Variants in HMCN2 observed in about 807,000 individuals in gnomAD.
HMCN2 encodes the protein hemicentin-2.
A neutral mutation model predicts 377.5 loss-of-function variants in HMCN2; 325 were observed. That is an observed-to-expected ratio of 0.86 (90% CI 0.79 to 0.94). HMCN2 has a LOEUF of 0.94. Ranked by LOEUF, HMCN2 falls within the 40% of genes least tolerant of loss-of-function variation. The pLI is 0.00. For missense variants in HMCN2, 4,543 were observed against 4,725.3 expected, an observed-to-expected ratio of 0.96 and a Z score of 1.13; for synonymous variants, 2,007 against 2,046.8, an observed-to-expected ratio of 0.98 and a Z score of 0.53.
At chr9:130,319,222 G>A (rs1442390790) in intron 15 of HMCN2, among the ~76,000 whole-genome samples, 2 of 152,026 alleles carry the variant, frequency 1.3e-5, no homozygotes, top group African/African-American at 2.4e-5. Context: ...GCCAGGAGTG[G>A]GCATGCTGCT....
intron 61 of HMCN2, 101 bp downstream of exon 61, chr9:130,386,625 G>T: frequency 3.2e-6 from 2 of 634,442 alleles, no homozygotes; most frequent in East Asian, 7.4e-5. Flanking sequence ...AGGCAGTGCT[G>T]CCAAGTGCTG....
At chr9:130,294,053 T>C (rs1554931032) in intron 4 of HMCN2, among the ~76,000 whole-genome samples, 1 of 152,032 alleles carries the variant, frequency 6.6e-6, no homozygotes. Flanking sequence ...TGGGTTGGCA[T>C]AGGTGCCTAG....
At position 130,319,603 on chromosome 9, in the gene HMCN2, G is replaced by T. The variant is rs1012429328; in HGVS notation, c.2459G>T (p.Arg820Leu). The change falls in exon 16 of 98, where the codon CGC (arginine) becomes CTC (leucine). Residue 820 changes from arginine (R) to leucine (L), a missense_variant. By Grantham distance (102) the Arg-to-Leu change is moderately radical. Coordinates refer to ENST00000683500, the MANE Select transcript of HMCN2 (RefSeq NM_001291815.2). ...CGCCCGCCCCCGACGGTCACCTGGC[G>T]CCGCGGAGATGGCCAGCCTCTGGGA... ...TGRPPPTVTW[R>L]RGDGQPLGLR... is the part of the protein sequence containing the mutation. 1.3e-5 allele frequency: 2 copies of T among 152,076 alleles called. No individual in the cohort carries two copies. Among genetic ancestry groups the T allele is most frequent in the Non-Finnish European group, 2.9e-5 (2 of 68,024 alleles). The allele number at this position is 152,076 out of a possible 1,614,324, so 9.4% of individuals were successfully genotyped here.
intron 59 of HMCN2, 117 bp from the exon 60 acceptor site, chr9:130,385,443 C>T: frequency 1.6e-6 from 1 of 610,662 alleles, no homozygotes; most frequent in Non-Finnish European, 2.6e-6. Context: ...GCGCCAGCCC[C>T]CGGGGCTGGG....
intron 8 of HMCN2, among the ~76,000 whole-genome samples, 193 bp downstream of exon 8, chr9:130,299,481 G>T (rs1836354274): frequency 6.6e-6 from 1 of 152,092 alleles, no homozygotes; most frequent in Non-Finnish European, 1.5e-5. Flanking sequence ...TCAGCTCAAG[G>T]ATTTAGAACA....
chr9:130,394,926 T>G lies in HMCN2; in HGVS notation c.10693-101T>G. ...AGGTGGATGGCAGACCTCGCAGGGCTGAGTTTGAATCCTGGGTCCCTCGAT... is the reference window on the plus strand; with the variant it reads ...AGGTGGATGGCAGACCTCGCAGGGCGGAGTTTGAATCCTGGGTCCCTCGAT... On this transcript the variant is annotated intron_variant, in intron 69 of 97. Transcript: ENST00000683500. This position sits in a 1 kb window ranked among gnomAD's most constrained non-coding sequence, Gnocchi z 5.1. The G allele has an allele frequency of 1.4e-6, 1 of 727,524 alleles. No homozygotes were observed. The highest frequency in any genetic ancestry group is 2.0e-6 in the Non-Finnish European group (1 of 506,508). 45.1% of individuals were successfully genotyped at this position (727,524 alleles called of 1,614,324 possible). A position where few individuals can be genotyped will look rare whatever the true frequency, so the allele number is the denominator to read the frequency against.
chr9:130,305,053 T>C (rs921764053), intron 11 of HMCN2, 51 bp downstream of exon 11: 48 of 447,572 alleles, frequency 1.1e-4, no homozygotes, highest in Non-Finnish European at 2.2e-4. Flanking sequence ...CGTGACCTGG[T>C]GTTTACCCCA....
intron 8 of HMCN2, among the ~76,000 whole-genome samples, chr9:130,301,115 G>A (rs1836481477): frequency 6.6e-6 from 1 of 152,242 alleles, no homozygotes; most frequent in Non-Finnish European, 1.5e-5. Context: ...CGTGCCTACA[G>A]TGCCCATGGT....
chr9:130,394,374 G>A lies in HMCN2; in HGVS notation c.10502-11G>A, dbSNP rs1215073330. ...TGTCAATTGTGTGTTCCCCTCCATG[G>A]TGGCTTGCAGAGCCCCCTCACATTG... On this transcript the variant is annotated splice_polypyrimidine_tract_variant and intron_variant, in intron 68 of 97. Coordinates refer to ENST00000683500, the MANE Select transcript of HMCN2 (RefSeq NM_001291815.2). This position sits in a 1 kb window ranked among gnomAD's most constrained non-coding sequence, Gnocchi z 5.1. 2 of 1,287,194 alleles carry A rather than the reference G, an allele frequency of 1.6e-6. No homozygotes were observed. The highest frequency in any genetic ancestry group is 1.5e-5 in the African/African-American group (1 of 65,920). The allele number at this position is 1,287,194 out of a possible 1,614,324, so 79.7% of individuals were successfully genotyped here.
chr9:130,349,099 C>T lies in HMCN2; in HGVS notation c.4271C>T (p.Thr1424Ile). ...YSCRAENQAG[T>I]AQRDFHLLVL... Reference sequence around the variant, plus strand: ...TGCCGGGCAGAGAACCAGGCTGGCACCGCCCAGAGGGACTTCCATCTCCTT... The same window carrying T: ...TGCCGGGCAGAGAACCAGGCTGGCATCGCCCAGAGGGACTTCCATCTCCTT... Residue 1424 changes from threonine to isoleucine, a missense_variant, in exon 28 of 98, where the codon ACC becomes ATC. Thr to Ile is a moderately conservative substitution (Grantham distance 89). Coordinates refer to ENST00000683500, the MANE Select transcript of HMCN2 (RefSeq NM_001291815.2). 1.5e-6 allele frequency: 2 copies of T among 1,304,228 alleles called. No individual in the cohort carries two copies. Among genetic ancestry groups the T allele is most frequent in the Non-Finnish European group, 2.0e-6 (2 of 988,924 alleles). The allele number at this position is 1,304,228 out of a possible 1,614,324, so 80.8% of individuals were successfully genotyped here.
Position 130,428,228 on chromosome 9 carries a change from T to C in HMCN2, c.14066-130T>C. 4.6e-6 allele frequency: 5 copies of C among 1,078,252 alleles called. No individual in the cohort carries two copies. Among genetic ancestry groups the C allele is most frequent in the Non-Finnish European group, 6.4e-6 (5 of 782,342 alleles). 66.8% of individuals were successfully genotyped at this position (1,078,252 alleles called of 1,614,324 possible). The stretch of plus-strand genomic sequence containing the variant: ...CAATGGAAAGAGCTAGCAGAAGGGG[T>C]GGGGACCTTCCTGCCAGTGGCTCCT... On this transcript the variant is annotated intron_variant, in intron 92 of 97. Coordinates refer to ENST00000683500, the MANE Select transcript of HMCN2 (RefSeq NM_001291815.2). This position sits in a 1 kb window ranked among gnomAD's most constrained non-coding sequence, Gnocchi z 5.0.
At chr9:130,348,343 C>G in intron 26 of HMCN2, 1 of 691,904 alleles carries the variant, frequency 1.4e-6, no homozygotes. Flanking sequence ...GGCCTGGGCA[C>G]GACTGGGGGT....
intron 92 of HMCN2, among the ~76,000 whole-genome samples, 181 bp downstream of exon 92, chr9:130,427,800 G>A (rs1844473907): frequency 6.6e-6 from 1 of 152,196 alleles, no homozygotes; most frequent in Non-Finnish European, 1.5e-5. Context: ...GCTCCTTCTT[G>A]CTATGGGAGC....
chr9:130,323,565 A>G (rs2131409300), intron 19 of HMCN2, among the ~76,000 whole-genome samples: 1 of 152,218 alleles, frequency 6.6e-6, no homozygotes, highest in East Asian at 1.9e-4. Context: ...AGAGCCCCAG[A>G]GCAATGAATC....
rs1451909330 is a variant in HMCN2, at chr9:130,354,807, A to T, written c.4909A>T (p.Lys1637Ter). 3.1e-6 allele frequency: 4 copies of T among 1,304,138 alleles called. No homozygotes were observed. Among genetic ancestry groups the T allele is most frequent in the Non-Finnish European group, 2.0e-6 (2 of 988,862 alleles). 80.8% of individuals were successfully genotyped at this position (1,304,138 alleles called of 1,614,324 possible). ...CGCCGGTGGAAGACCATACGTGGTG[A>T]AGGCTGTGGCTGGGAGGCCTGTGGC... Reference protein sequence around the residue: ...EGAGGRPYVVKAVAGRPVALE... With the variant: ...EGAGGRPYVV The change falls in exon 32 of 98, where the codon AAG becomes TAG. Residue 1637 changes from lysine (K) to a stop codon, truncating the protein, a stop_gained. Coordinates refer to ENST00000683500, the MANE Select transcript of HMCN2 (RefSeq NM_001291815.2). LOFTEE classifies it high-confidence loss of function.
chr9:130,346,979 T>TG (rs1839425862), intron 25 of HMCN2, among the ~76,000 whole-genome samples, 187 bp from the exon 26 acceptor site: 1 of 151,790 alleles, frequency 6.6e-6, no homozygotes, highest in South Asian at 2.1e-4. Context: ...TGTGGGTAGG[T>TG]GGCGGGTGTG....
chr9:130,333,208 C>G (rs1018321034), intron 22 of HMCN2, among the ~76,000 whole-genome samples: 310 of 152,294 alleles, frequency 2.0e-3, no homozygotes, highest in Middle Eastern at 6.8e-3. Flanking sequence ...CCTTCCCTCA[C>G]GGAGCCATCA....
chr9:130,424,913 G>A lies in HMCN2; in HGVS notation c.13519G>A (p.Gly4507Arg), dbSNP rs1481480116. 6 of 1,462,070 alleles carry A rather than the reference G, an allele frequency of 4.1e-6. No individual in the cohort carries two copies. Among genetic ancestry groups the A allele is most frequent in the Non-Finnish European group, 1.8e-6 (2 of 1,101,060 alleles). 90.6% of individuals were successfully genotyped at this position (1,462,070 alleles called of 1,614,324 possible). ...RQESHVEFAT[G>R]ELLTMTQVAR... ...GGAGTCACACGTGGAGTTTGCTACA[G>A]GTAAACAGGGCCTCCCCCAGGTGGG... The change falls in exon 88 of 98, where the codon GGG becomes AGG. Residue 4507 changes from glycine to arginine, a missense_variant and splice_region_variant. Transcript: ENST00000683500.
chr9:130,279,958 G>A (rs1835018800), intron 1 of HMCN2, among the ~76,000 whole-genome samples: 1 of 152,124 alleles, frequency 6.6e-6, no homozygotes, highest in African/African-American at 2.4e-5. Flanking sequence ...AGGGAGCTGT[G>A]ACGACAGCAG....
Sources: allele counts gnomAD v4.1 joint callset (sites outside exome capture counted in the v4.1 genomes callset), GRCh38; gene constraint gnomAD v4.1.1; non-coding constraint Gnocchi (gnomAD v3.1); transcripts MANE v1.5; gene names NCBI Gene and HGNC (gene_info 2026-07-23, HGNC 2026-07-21).